PEAK1: variants seen among roughly 807,000 people sequenced by gnomAD.
PEAK1 encodes the protein inactive tyrosine-protein kinase PEAK1.
A neutral mutation model predicts 124.7 loss-of-function variants in PEAK1; 54 were observed. That is an observed-to-expected ratio of 0.43 (90% CI 0.35 to 0.54). The LOEUF is 0.54. Among genes scored for constraint, PEAK1 ranks in the 20% least tolerant of loss-of-function variants. The pLI is 0.01. For missense variants in PEAK1, 2,046 were observed against 2,134.5 expected, an observed-to-expected ratio of 0.96 and a Z score of 0.82; for synonymous variants, 719 against 760.0, an observed-to-expected ratio of 0.95 and a Z score of 0.89.
intron 7 of PEAK1, 101 bp from the exon 8 acceptor site, chr15:77,158,797 C>G: frequency 1.8e-6 from 2 of 1,093,184 alleles, no homozygotes; most frequent in Non-Finnish European, 2.7e-6. Flanking sequence ...AATAACTGGT[C>G]CTATAGTCAC....
chr15:77,394,429 G>GA (rs2070736418), intron 1 of PEAK1, among the ~76,000 whole-genome samples: 1 of 152,202 alleles, frequency 6.6e-6, no homozygotes, highest in African/African-American at 2.4e-5. Context: ...GCTCAGCACA[G>GA]AAAGAGATTC....
chr15:77,337,414 T>C (rs992405005), intron 2 of PEAK1: 27 of 954,912 alleles, frequency 2.8e-5, no homozygotes, highest in Non-Finnish European at 1.2e-5. Context: ...AGTAACTACA[T>C]GATCAAACTA....
At chr15:77,219,876 C>T (rs953308217) in intron 6 of PEAK1, among the ~76,000 whole-genome samples, 1 of 151,936 alleles carries the variant, frequency 6.6e-6, no homozygotes, top group Non-Finnish European at 1.5e-5. Context: ...TAATTTTATA[C>T]CCTAGTAATT....
At chr15:77,335,917 C>T in intron 2 of PEAK1, 2 of 985,332 alleles carry the variant, frequency 2.0e-6, no homozygotes, top group Non-Finnish European at 2.4e-6. Flanking sequence ...GAAACAAATG[C>T]CACAATAAGA....
intron 2 of PEAK1, among the ~76,000 whole-genome samples, chr15:77,287,009 TC>T (rs1196549132): frequency 6.6e-6 from 1 of 152,168 alleles, no homozygotes; most frequent in Non-Finnish European, 1.5e-5. Flanking sequence ...TTTAGTTGAG[TC>T]ATGAAACCCA....
At chr15:77,362,166 A>G (rs1399955062) in intron 2 of PEAK1, among the ~76,000 whole-genome samples, 1 of 152,196 alleles carries the variant, frequency 6.6e-6, no homozygotes, top group Non-Finnish European at 1.5e-5. Context: ...AAGAAAATCT[A>G]AAGTTAACAG....
chr15:77,196,195 C>T (rs1481703512), intron 6 of PEAK1, among the ~76,000 whole-genome samples: 1 of 152,138 alleles, frequency 6.6e-6, no homozygotes, highest in African/African-American at 2.4e-5. Flanking sequence ...GTCTGTCAGC[C>T]GGTGAAAGCC....
At chr15:77,118,380 C>A (rs896278604) in intron 9 of PEAK1, among the ~76,000 whole-genome samples, 2 of 151,808 alleles carry the variant, frequency 1.3e-5, no homozygotes, top group African/African-American at 4.8e-5. Flanking sequence ...ATTCTAGGTA[C>A]CACATTGTAG....
intron 6 of PEAK1, among the ~76,000 whole-genome samples, chr15:77,213,650 C>T (rs1262556145): frequency 6.6e-6 from 1 of 152,054 alleles, no homozygotes; most frequent in Non-Finnish European, 1.5e-5. Flanking sequence ...GATCGCATCA[C>T]TGCACTCCAG....
intron 1 of PEAK1, among the ~76,000 whole-genome samples, chr15:77,394,582 T>C (rs2070745765): frequency 6.6e-6 from 1 of 152,182 alleles, no homozygotes; most frequent in African/African-American, 2.4e-5. Context: ...CAAGGTGCCC[T>C]CTAATGCAGA....
At chr15:77,296,202 T>C (rs974983917) in intron 2 of PEAK1, among the ~76,000 whole-genome samples, 4 of 152,228 alleles carry the variant, frequency 2.6e-5, no homozygotes, top group African/African-American at 9.6e-5. Context: ...GGATGCCTTA[T>C]CTTCTTTGGC....
At chr15:77,287,617 C>CAGTA (rs1196130976) in intron 2 of PEAK1, among the ~76,000 whole-genome samples, 1 of 152,076 alleles carries the variant, frequency 6.6e-6, no homozygotes, top group African/African-American at 2.4e-5. Flanking sequence ...ACTTCACACT[C>CAGTA]TACTCACATT....
chr15:77,266,906 C>A (rs1441618999), intron 5 of PEAK1, among the ~76,000 whole-genome samples: 1 of 151,594 alleles, frequency 6.6e-6, no homozygotes, highest in African/African-American at 2.4e-5. Context: ...CTTGTTTTCT[C>A]AGTGGGGAGG....
chr15:77,217,547 C>G (rs1368727645), intron 6 of PEAK1, among the ~76,000 whole-genome samples: 1 of 152,152 alleles, frequency 6.6e-6, no homozygotes, highest in Admixed American at 6.5e-5. Flanking sequence ...TAAACAAGAG[C>G]AATGTTTTGA....
intron 6 of PEAK1, among the ~76,000 whole-genome samples, chr15:77,235,108 G>C (rs2060062535): frequency 6.6e-6 from 1 of 152,072 alleles, no homozygotes; most frequent in East Asian, 1.9e-4. Context: ...GCAAAACTGT[G>C]AGTAAATTAA....
chr15:77,332,291 T>C, intron 2 of PEAK1: 1 of 985,216 alleles, frequency 1.0e-6, no homozygotes, highest in Non-Finnish European at 1.2e-6. Context: ...GGTCACCATA[T>C]ATTTTTTGTT....
At chr15:77,325,662 A>T (rs935733766) in intron 2 of PEAK1, among the ~76,000 whole-genome samples, 9 of 152,094 alleles carry the variant, frequency 5.9e-5, no homozygotes, top group African/African-American at 1.4e-4. Flanking sequence ...AACTGATTTT[A>T]AAAAAGATGT....
intron 2 of PEAK1, among the ~76,000 whole-genome samples, chr15:77,361,784 C>A (rs753523378): frequency 7.2e-5 from 11 of 152,024 alleles, no homozygotes; most frequent in Non-Finnish European, 1.0e-4. Context: ...TCCGTGTTTA[C>A]TGTAGCACTA....
intron 9 of PEAK1, among the ~76,000 whole-genome samples, chr15:77,116,763 C>T (rs2051428849): frequency 6.6e-6 from 1 of 151,588 alleles, no homozygotes; most frequent in South Asian, 2.1e-4. Context: ...TATACCTCAG[C>T]ACAAGTTCCT....
Sources: gnomAD v4.1 joint callset for allele counts (sites outside exome capture counted in the v4.1 genomes callset) on GRCh38, gnomAD v4.1.1 for gene constraint, MANE v1.5 for transcripts, NCBI Gene and HGNC (gene_info 2026-07-23, HGNC 2026-07-21) for gene names.